The following FAT4 variants were observed in gnomAD, a reference collection of about 807,000 sequenced individuals.
FAT4 encodes FAT atypical cadherin 4.
A neutral mutation model predicts 303.9 loss-of-function variants in FAT4; 84 were observed. The ratio of observed to expected loss-of-function variants is 0.28; its 90% CI spans 0.23 to 0.33. FAT4 has a LOEUF of 0.33. Among genes scored for constraint, FAT4 ranks in the 10% least tolerant of loss-of-function variants. FAT4 has a pLI of 1.00. For synonymous variants in FAT4, 2,307 were observed against 2,298.8 expected, an observed-to-expected ratio of 1.00 and a Z score of -0.10; for missense variants, 6,005 against 6,146.8, an observed-to-expected ratio of 0.98 and a Z score of 0.77.
At chr4:125,354,018 A>C (rs1257544138) in intron 2 of FAT4, among the ~76,000 whole-genome samples, 1 of 151,764 alleles carries the variant, frequency 6.6e-6, no homozygotes, top group East Asian at 1.9e-4. Context: ...AAGTGAGTGT[A>C]ATTCATAGAA....
intron 2 of FAT4, among the ~76,000 whole-genome samples, chr4:125,337,373 A>G (rs1484017043): frequency 6.6e-6 from 1 of 152,080 alleles, no homozygotes; most frequent in Non-Finnish European, 1.5e-5. Context: ...AACACAGAAA[A>G]TTTATTTTTT....
intron 7 of FAT4, among the ~76,000 whole-genome samples, chr4:125,420,533 A>T (rs1735248280): frequency 6.6e-6 from 1 of 152,188 alleles, no homozygotes; most frequent in Non-Finnish European, 1.5e-5. Context: ...CCAAAAGAAA[A>T]AAGTGCAAAT....
In FAT4 at chr4:125,415,134, A is replaced by G. The variant is rs748908321; in HGVS notation, c.6171A>G (p.Thr2057=). Residue 2057 remains threonine, a synonymous_variant, in exon 6 of 18, where the codon ACA becomes ACG. Coordinates refer to ENST00000394329, the MANE Select transcript of FAT4 (RefSeq NM_001291303.3). ...CGACATTTCTTTCCCCTAAATTGAC[A>G]TACATTCCAGAAAATACACCTATTG... The part of the protein sequence containing the change: ...NPPTFLSPKL[T]YIPENTPIDT... The G allele has an allele frequency of 2.5e-6, 4 of 1,614,084 alleles. No individual in the cohort carries two copies. The highest frequency in any genetic ancestry group is 3.4e-6 in the Non-Finnish European group (4 of 1,179,966).
chr4:125,415,969 ACAT>A (rs1197591584), intron 6 of FAT4, among the ~76,000 whole-genome samples, 163 bp downstream of exon 6: 1 of 152,188 alleles, frequency 6.6e-6, no homozygotes, highest in Non-Finnish European at 1.5e-5. Context: ...AGGTTTATAA[ACAT>A]CATACCTAAG....
chr4:125,393,127 A>G (rs1734035518), intron 2 of FAT4, among the ~76,000 whole-genome samples: 1 of 152,220 alleles, frequency 6.6e-6, no homozygotes, highest in Admixed American at 6.5e-5. Flanking sequence ...AAAAGAAAAC[A>G]AAAGATTGTT....
chr4:125,378,182 TG>T (rs1312717578), intron 2 of FAT4, among the ~76,000 whole-genome samples: 1 of 152,120 alleles, frequency 6.6e-6, no homozygotes, highest in Non-Finnish European at 1.5e-5. Context: ...GGTTTAGGAA[TG>T]GTTAGTCTTC....
chr4:125,479,773 G>A lies in FAT4; in HGVS notation c.12512G>A (p.Ser4171Asn). 1.2e-6 allele frequency: 2 copies of A among 1,600,678 alleles called. No individual in the cohort carries two copies. The highest frequency in any genetic ancestry group is 8.5e-7 in the Non-Finnish European group (1 of 1,170,412). The change falls in exon 15 of 18, where the codon AGC becomes AAC. Residue 4171 changes from serine (S) to asparagine (N), a missense_variant. Transcript: ENST00000394329. ...CPRLEGACTR[S>N]PCQHGGTCMD... is the part of the protein sequence containing the mutation. ...AGGCTGGAAGGCGCTTGTACTCGCA[G>A]CCCATGCCAACATGGTGGCACATGT...
chr4:125,426,071 G>C (rs1725077368), intron 7 of FAT4, among the ~76,000 whole-genome samples: 1 of 152,008 alleles, frequency 6.6e-6, no homozygotes, highest in African/African-American at 2.4e-5. Context: ...GTGAGCACCT[G>C]GTAACATTTT....
chr4:125,490,024 C>T lies in FAT4; in HGVS notation c.13208C>T (p.Pro4403Leu), dbSNP rs755945513. The T allele has an allele frequency of 6.8e-6, 11 of 1,613,866 alleles. No homozygotes were observed. The highest frequency in any genetic ancestry group is 1.6e-4 in the Middle Eastern group (1 of 6,062). Reference sequence around the variant, plus strand: ...TCAGTGAAGATTGGCTGCCGTGGCCCGAACATTTGTGCCAGCAACCCCTGC... The same window carrying T: ...TCAGTGAAGATTGGCTGCCGTGGCCTGAACATTTGTGCCAGCAACCCCTGC... ...DPSVKIGCRG[P>L]NICASNPCWG... The change falls in exon 18 of 18, where the codon CCG becomes CTG. Residue 4403 changes from proline to leucine, a missense_variant. Physicochemically the swap from Pro to Leu is moderately conservative, Grantham distance 98. Coordinates refer to ENST00000394329, the MANE Select transcript of FAT4 (RefSeq NM_001291303.3).
chr4:125,439,062 T>C (rs1725554556), intron 8 of FAT4, among the ~76,000 whole-genome samples: 1 of 152,212 alleles, frequency 6.6e-6, no homozygotes, highest in Non-Finnish European at 1.5e-5. Context: ...ACAAATGGTG[T>C]ACTTACTTTA....
At position 125,365,381 on chromosome 4, in the gene FAT4, C is replaced by T. The variant is rs147645901; in HGVS notation, c.5176-33403C>T. Among the ~76,000 whole-genome samples the T allele has an allele frequency of 4.6e-5, 7 of 152,282 alleles. No homozygotes were observed. The East Asian group carries it at 1.4e-3, about 29-fold the overall frequency. ...TCCAAAAGAATGTGGACTCTCTTCT[C>T]ATCATTCAAGCTGAAAACCTCAACT... On this transcript the variant is annotated intron_variant, in intron 2 of 17. Coordinates refer to ENST00000394329, the MANE Select transcript of FAT4 (RefSeq NM_001291303.3).
chr4:125,472,379 G>C, intron 12 of FAT4, among the ~76,000 whole-genome samples: 1 of 152,006 alleles, frequency 6.6e-6, no homozygotes, highest in Non-Finnish European at 1.5e-5. Context: ...TTATATTGCT[G>C]AATGCATATC....
At position 125,491,101 on chromosome 4, in the gene FAT4, C is replaced by T. The variant is rs972748667; in HGVS notation, c.14285C>T (p.Ala4762Val). 3.1e-6 allele frequency: 5 copies of T among 1,614,058 alleles called. No homozygotes were observed. The African/African-American group carries it at 5.3e-5, about 17-fold the overall frequency. ...AGAAGCAAGAGTCCTCAGGCCATGG[C>T]ATCACATGGTTCTAGACCAGGGAGT... Reference protein sequence around the residue: ...GRRSKSPQAMASHGSRPGSRL... With the variant: ...GRRSKSPQAMVSHGSRPGSRL... Residue 4762 changes from alanine to valine, a missense_variant, in exon 18 of 18, where the codon GCA (alanine) becomes GTA (valine). Ala to Val is a moderately conservative substitution (Grantham distance 64). Transcript: ENST00000394329.
Position 125,320,450 on chromosome 4 carries a change from A to C in FAT4, c.4039A>C (p.Asn1347His). 1 of 1,614,130 alleles carries C rather than the reference A, an allele frequency of 6.2e-7. No homozygotes were observed. Among genetic ancestry groups the C allele is most frequent in the East Asian group, 2.2e-5 (1 of 44,876 alleles). The change falls in exon 2 of 18, where the codon AAT becomes CAT. Residue 1347 changes from asparagine to histidine, a missense_variant. Transcript: ENST00000394329. Reference sequence around the variant, plus strand: ...TGCAACTGATTCCGATTCAGGTGACAATGCTGATTTATATTACAGTATTAC... The same window carrying C: ...TGCAACTGATTCCGATTCAGGTGACCATGCTGATTTATATTACAGTATTAC... ...VTATDSDSGDNADLYYSITGT... is the reference protein window; with the variant it reads ...VTATDSDSGDHADLYYSITGT...
chr4:125,407,217 T>A, intron 4 of FAT4, 76 bp downstream of exon 4: 1 of 1,320,126 alleles, frequency 7.6e-7, no homozygotes, highest in Non-Finnish European at 1.1e-6. Flanking sequence ...TTTCGGCTGC[T>A]CTTAATCAAT....
rs369218330 is a variant in FAT4 at position 125,406,904 on chromosome 4, A to G, written c.5332A>G (p.Thr1778Ala). ...DEGANALVTY[T>A]IISGADDSFR... Reference sequence around the variant, plus strand: ...GGGTGCAAATGCTCTCGTCACATACACTATCATTAGTGGAGCTGATGATAG... The same window carrying G: ...GGGTGCAAATGCTCTCGTCACATACGCTATCATTAGTGGAGCTGATGATAG... Residue 1778 changes from threonine (T) to alanine (A), a missense_variant, in exon 4 of 18, where the codon ACT (threonine) becomes GCT (alanine). Physicochemically the swap from Thr to Ala is moderately conservative, Grantham distance 58. Coordinates refer to ENST00000394329, the MANE Select transcript of FAT4 (RefSeq NM_001291303.3). The G allele has an allele frequency of 1.4e-5, 22 of 1,613,670 alleles. No individual in the cohort carries two copies. The highest frequency in any genetic ancestry group is 4.5e-5 in the East Asian group (2 of 44,868).
intron 11 of FAT4, among the ~76,000 whole-genome samples, chr4:125,467,322 G>A (rs1401740642): frequency 6.6e-6 from 1 of 152,084 alleles, no homozygotes; most frequent in Non-Finnish European, 1.5e-5. Flanking sequence ...TAATGGCATT[G>A]GTTCCTTCTA....
intron 2 of FAT4, among the ~76,000 whole-genome samples, chr4:125,390,084 A>G (rs1358655875): frequency 6.6e-6 from 1 of 152,194 alleles, no homozygotes; most frequent in Admixed American, 6.6e-5. Flanking sequence ...GGAAATATGC[A>G]GACTCTGGCA....
chr4:125,360,160 C>T (rs528247115), intron 2 of FAT4, among the ~76,000 whole-genome samples: 2 of 152,114 alleles, frequency 1.3e-5, no homozygotes, highest in Non-Finnish European at 2.9e-5. Flanking sequence ...TCTCATGCCC[C>T]TTCGCAATAT....
Sources: gnomAD v4.1 joint callset for allele counts (sites outside exome capture counted in the v4.1 genomes callset) on GRCh38, gnomAD v4.1.1 for gene constraint, MANE v1.5 for transcripts, NCBI Gene and HGNC (gene_info 2026-07-23, HGNC 2026-07-21) for gene names.